Variants in FMN2 observed in about 807,000 individuals in gnomAD.
FMN2 encodes formin-2.
FMN2 carries 51 observed loss-of-function variants against 142.3 expected under a neutral mutation model. That is an observed-to-expected ratio of 0.36 (90% CI 0.29 to 0.45). The LOEUF (loss-of-function observed/expected upper bound fraction) is 0.45, where lower values mean the gene tolerates loss of function less well. FMN2 is among the 20% of genes least tolerant of loss of function. The pLI, the probability that FMN2 is intolerant of heterozygous loss-of-function variation, is 1.00. For synonymous variants in FMN2, 882 were observed against 869.8 expected (o/e 1.01, Z -0.25); for missense variants, 1,936 against 2,122.8 (o/e 0.91, Z 1.73).
chr1:240,143,781 C>A (rs1009547303), intron 2 of FMN2: 7 of 1,511,982 alleles, frequency 4.6e-6, no homozygotes, highest in Admixed American at 3.3e-5. Context: ...GAAGTTACAT[C>A]TCCATTGCAG....
At chr1:240,183,507 T>G (rs1665239674) in intron 3 of FMN2, among the ~76,000 whole-genome samples, 1 of 148,792 alleles carries the variant, frequency 6.7e-6, no homozygotes, top group Non-Finnish European at 1.5e-5. Context: ...ATATATTGAA[T>G]ATTATATATT....
Position 240,330,679 on chromosome 1 carries a change from A to T in FMN2, c.4514A>T (p.Asn1505Ile). The T allele has an allele frequency of 6.2e-7, 1 of 1,614,080 alleles. No individual in the cohort carries two copies. The highest frequency in any genetic ancestry group is 8.5e-7 in the Non-Finnish European group (1 of 1,179,960). Residue 1505 changes from asparagine (N) to isoleucine (I), a missense_variant, in exon 11 of 18, where the codon AAT (asparagine) becomes ATT (isoleucine). By Grantham distance (149) the Asn-to-Ile change is moderately radical. Around this residue, in one of 8 missense-constraint regions of FMN2, gnomAD observed 322 missense variants for 401.6 expected, o/e 0.80. Transcript: ENST00000319653. ...TTTGGCAACTACATGAATGGAGGAA[A>T]TAAGACTCGAGGACAGGCAGATGGC... ...LAFGNYMNGG[N>I]KTRGQADGFG...
chr1:240,357,783 A>G (rs1672324169), intron 14 of FMN2, among the ~76,000 whole-genome samples: 1 of 151,828 alleles, frequency 6.6e-6, no homozygotes, highest in Admixed American at 6.6e-5. Context: ...AATTTTTTGT[A>G]TTTTTAGTAG....
At chr1:240,122,443 TG>T (rs1269705770) in intron 1 of FMN2, among the ~76,000 whole-genome samples, 1 of 151,952 alleles carries the variant, frequency 6.6e-6, no homozygotes, top group East Asian at 1.9e-4. Flanking sequence ...CCACCACGCC[TG>T]GCTATTTTTT....
intron 15 of FMN2, among the ~76,000 whole-genome samples, chr1:240,403,068 G>A (rs1354911525): frequency 6.6e-6 from 1 of 152,194 alleles, no homozygotes; most frequent in Non-Finnish European, 1.5e-5. Flanking sequence ...ATGACTGAAT[G>A]TAAAGTTTGA....
At chr1:240,275,232 C>T (rs1197011505) in intron 7 of FMN2, among the ~76,000 whole-genome samples, 1 of 151,984 alleles carries the variant, frequency 6.6e-6, no homozygotes, top group Non-Finnish European at 1.5e-5. Context: ...AATGCTATCC[C>T]TCCCCTAGCC....
In FMN2 at chr1:240,091,920, C is replaced by T; in HGVS notation, c.-190C>T. 2.0e-6 allele frequency: 2 copies of T among 1,002,594 alleles called. No homozygotes were observed. The highest frequency in any genetic ancestry group is 2.7e-6 in the Non-Finnish European group (2 of 743,020). The allele number at this position is 1,002,594 out of a possible 1,614,324, so 62.1% of individuals were successfully genotyped here. A position where few individuals can be genotyped will look rare whatever the true frequency, so the allele number is the denominator to read the frequency against. ...GCAGCGACGGCAGCCACGGGAGCCGCCGCGCATTATGCAAAGCGGCGGCAG... is the reference window on the plus strand; with the variant it reads ...GCAGCGACGGCAGCCACGGGAGCCGTCGCGCATTATGCAAAGCGGCGGCAG... On this transcript the variant is annotated 5_prime_UTR_variant, in exon 1 of 18. Coordinates refer to ENST00000319653, the MANE Select transcript of FMN2 (RefSeq NM_020066.5).
At chr1:240,288,093 T>G (rs979700839) in intron 7 of FMN2, among the ~76,000 whole-genome samples, 5 of 152,218 alleles carry the variant, frequency 3.3e-5, no homozygotes, top group Admixed American at 6.5e-5. Context: ...CAGGAATTGC[T>G]AACCTCAGCC....
At chr1:240,212,338 G>A (rs1449417069) in intron 6 of FMN2, among the ~76,000 whole-genome samples, 1 of 152,198 alleles carries the variant, frequency 6.6e-6, no homozygotes, top group African/African-American at 2.4e-5. Context: ...TTGGCTGGGT[G>A]AGCAGGCTCA....
intron 14 of FMN2, 70 bp from the exon 15 acceptor site, chr1:240,392,441 C>T: frequency 4.2e-6 from 5 of 1,194,506 alleles, no homozygotes; most frequent in Non-Finnish European, 4.9e-6. Context: ...TTATGTAGGG[C>T]AGATGTTGCT....
At chr1:240,224,562 C>T (rs971183890) in intron 6 of FMN2, among the ~76,000 whole-genome samples, 11 of 152,060 alleles carry the variant, frequency 7.2e-5, no homozygotes, top group East Asian at 1.9e-4. Context: ...TTTTCTGTCT[C>T]GTTGATCTGT....
At chr1:240,214,201 A>G (rs981740986) in intron 6 of FMN2, among the ~76,000 whole-genome samples, 1 of 152,186 alleles carries the variant, frequency 6.6e-6, no homozygotes, top group Non-Finnish European at 1.5e-5. Context: ...TGACACTTTG[A>G]CATTAGAATT....
chr1:240,187,131 G>A (rs1665500539), intron 3 of FMN2, among the ~76,000 whole-genome samples: 1 of 150,690 alleles, frequency 6.6e-6, no homozygotes, highest in Non-Finnish European at 1.5e-5. Flanking sequence ...TTAGCTGGGT[G>A]TGGTGGCGGG....
At chr1:240,283,481 T>C (rs760475096) in intron 7 of FMN2, among the ~76,000 whole-genome samples, 1 of 152,224 alleles carries the variant, frequency 6.6e-6, no homozygotes, top group Non-Finnish European at 1.5e-5. Flanking sequence ...GTGTGAGTGG[T>C]GGCATCCTTT....
intron 15 of FMN2, among the ~76,000 whole-genome samples, chr1:240,399,900 A>C (rs1673913385): frequency 6.6e-6 from 1 of 152,188 alleles, no homozygotes; most frequent in African/African-American, 2.4e-5. Flanking sequence ...CCACTGTCCT[A>C]ATCCTAGCTT....
intron 13 of FMN2, among the ~76,000 whole-genome samples, chr1:240,338,549 G>T (rs1172715252): frequency 6.6e-6 from 1 of 152,072 alleles, no homozygotes; most frequent in Non-Finnish European, 1.5e-5. Flanking sequence ...TATGTTTTAT[G>T]CTGGGCACTG....
At chr1:240,403,796 T>TGGATAA (rs1674064421) in intron 15 of FMN2, among the ~76,000 whole-genome samples, 1 of 152,200 alleles carries the variant, frequency 6.6e-6, no homozygotes, top group Non-Finnish European at 1.5e-5. Flanking sequence ...TTGGACTGTA[T>TGGATAA]AGTTTAAAAA....
intron 7 of FMN2, among the ~76,000 whole-genome samples, chr1:240,263,531 C>T (rs1474473295): frequency 6.6e-6 from 1 of 152,174 alleles, no homozygotes; most frequent in African/African-American, 2.4e-5. Flanking sequence ...TTTAATTTCA[C>T]CATTGAAAGC....
intron 1 of FMN2, among the ~76,000 whole-genome samples, chr1:240,099,247 T>C (rs565009538): frequency 6.6e-4 from 101 of 152,244 alleles, no homozygotes; most frequent in Middle Eastern, 6.8e-3. Context: ...AACCCTGAAA[T>C]TGTATACAAA....
Sources: allele counts gnomAD v4.1 joint callset (sites outside exome capture counted in the v4.1 genomes callset), GRCh38; gene constraint gnomAD v4.1.1; regional missense constraint gnomAD v4.1.1; transcripts MANE v1.5; gene names NCBI Gene and HGNC (gene_info 2026-07-23, HGNC 2026-07-21).